Variants in BCAS3 observed in about 807,000 individuals in gnomAD.
BCAS3 encodes BCAS3 microtubule associated cell migration factor.
Under a neutral mutation model 116.1 loss-of-function variants are expected in BCAS3, and 53 were observed. That is an observed-to-expected ratio of 0.46 (90% CI 0.37 to 0.57). The LOEUF (loss-of-function observed/expected upper bound fraction) is 0.57, where lower values mean the gene tolerates loss of function less well. Ranked by LOEUF, BCAS3 falls within the 20% of genes least tolerant of loss-of-function variation. The pLI, the probability that BCAS3 is intolerant of heterozygous loss-of-function variation, is 0.00. For synonymous variants in BCAS3, 391 were observed against 408.2 expected (o/e 0.96, Z 0.51); for missense variants, 917 against 1,165.4 (o/e 0.79, Z 3.10).
At chr17:61,317,442 T>C (rs1269845776) in intron 22 of BCAS3, among the ~76,000 whole-genome samples, 3 of 152,200 alleles carry the variant, frequency 2.0e-5, no homozygotes, top group Admixed American at 6.5e-5. Context: ...ACACCTGCTT[T>C]GTAGGGCTGG....
At chr17:60,849,240 A>G (rs2052827715) in intron 7 of BCAS3, among the ~76,000 whole-genome samples, 2 of 152,062 alleles carry the variant, frequency 1.3e-5, no homozygotes, top group African/African-American at 4.8e-5. Context: ...ATTTTTTTGA[A>G]ATAACATGTA....
At chr17:60,984,182 TTGTTCA>T (rs1253548729) in intron 14 of BCAS3, among the ~76,000 whole-genome samples, 2 of 152,228 alleles carry the variant, frequency 1.3e-5, no homozygotes, top group African/African-American at 4.8e-5. Flanking sequence ...AATTTTGAGT[TTGTTCA>T]TGTACTGATG....
At chr17:60,820,310 G>T (rs1448578237) in intron 7 of BCAS3, among the ~76,000 whole-genome samples, 1 of 152,168 alleles carries the variant, frequency 6.6e-6, no homozygotes, top group Non-Finnish European at 1.5e-5. Flanking sequence ...CTCCCAAAGT[G>T]CTGGGATTAC....
chr17:60,777,465 A>G (rs901897306), intron 6 of BCAS3, among the ~76,000 whole-genome samples: 1 of 151,744 alleles, frequency 6.6e-6, no homozygotes, highest in Non-Finnish European at 1.5e-5. Flanking sequence ...CCTCTACTAA[A>G]ATTACAAAAA....
chr17:60,874,197 A>G (rs553023755), intron 8 of BCAS3, among the ~76,000 whole-genome samples: 2 of 151,620 alleles, frequency 1.3e-5, no homozygotes, highest in African/African-American at 4.8e-5. Context: ...CTCCTGAGTA[A>G]CTAGGACTAC....
At chr17:61,176,622 A>G (rs1030098262) in intron 22 of BCAS3, among the ~76,000 whole-genome samples, 1 of 151,888 alleles carries the variant, frequency 6.6e-6, no homozygotes, top group Non-Finnish European at 1.5e-5. Flanking sequence ...CACTGGTGCT[A>G]TCATGGTTCA....
At chr17:60,758,381 T>C (rs1389394425) in intron 6 of BCAS3, among the ~76,000 whole-genome samples, 1 of 152,180 alleles carries the variant, frequency 6.6e-6, no homozygotes, top group African/African-American at 2.4e-5. Flanking sequence ...TTTGAGTCTC[T>C]ATTTTATTTA....
At chr17:61,372,252 A>G (rs1284380137) in intron 23 of BCAS3, among the ~76,000 whole-genome samples, 3 of 152,182 alleles carry the variant, frequency 2.0e-5, no homozygotes, top group African/African-American at 7.2e-5. Flanking sequence ...GACAGTGCCT[A>G]GCGCAGTGTC....
chr17:60,763,983 T>C (rs2043820241), intron 6 of BCAS3, among the ~76,000 whole-genome samples: 1 of 152,214 alleles, frequency 6.6e-6, no homozygotes. Context: ...TTTATTTGCA[T>C]AGAGGTGTTT....
At position 60,799,520 on chromosome 17, in the gene BCAS3, G is replaced by GTTTTTTTTTTTTTTTT. The variant is rs200098763; in HGVS notation, c.404-8481_404-8480insTTTTTTTTTTTTTTTT. Among the ~76,000 whole-genome samples, 38 of 117,644 alleles carry GTTTTTTTTTTTTTTTT rather than the reference G, an allele frequency of 3.2e-4. 7 individuals carry two copies. Among genetic ancestry groups the GTTTTTTTTTTTTTTTT allele is most frequent in the African/African-American group, 1.2e-3 (33 of 27,178 alleles). 77.2% of individuals were successfully genotyped at this position (117,644 alleles called of 152,430 possible). A position where few individuals can be genotyped will look rare whatever the true frequency, so the allele number is the denominator to read the frequency against. On this transcript the variant is annotated intron_variant, in intron 6 of 23. Coordinates refer to ENST00000407086, the MANE Select transcript of BCAS3 (RefSeq NM_017679.5). ...AATATGTAAGTTTTTTGAGATTAGT[G>GTTTTTTTTTTTTTTTT]TTTGTTTTTTTTTTTTTTTTTTTTT...
At chr17:61,039,580 G>T (rs562720529) in intron 18 of BCAS3, among the ~76,000 whole-genome samples, 2 of 151,896 alleles carry the variant, frequency 1.3e-5, no homozygotes, top group Admixed American at 1.3e-4. Context: ...TAGCCACCAC[G>T]CCAGCTAATT....
chr17:61,111,350 A>C (rs1420106692), intron 22 of BCAS3, among the ~76,000 whole-genome samples: 1 of 150,222 alleles, frequency 6.7e-6, no homozygotes, highest in East Asian at 2.0e-4. Flanking sequence ...AAAATTTAGA[A>C]GAATGTATAA....
At chr17:61,306,854 T>C (rs2053899043) in intron 22 of BCAS3, among the ~76,000 whole-genome samples, 2 of 152,172 alleles carry the variant, frequency 1.3e-5, no homozygotes, top group South Asian at 4.1e-4. Context: ...AGCCTAGAGG[T>C]ACTATTACCT....
At chr17:60,924,557 G>T in intron 13 of BCAS3, 57 bp downstream of exon 13, 3 of 1,319,170 alleles carry the variant, frequency 2.3e-6, no homozygotes, top group South Asian at 1.3e-5. Context: ...TATATAATGG[G>T]TTTTCCAGCC....
Position 60,946,251 on chromosome 17 carries a change from T to C in BCAS3, c.1088-968T>C, listed in dbSNP as rs112434292. Among the ~76,000 whole-genome samples the C allele has an allele frequency of 4.1e-3, 617 of 152,322 alleles. 4 individuals are homozygous for C. Among genetic ancestry groups the C allele is most frequent in the African/African-American group, 0.014 (589 of 41,578 alleles). On this transcript the variant is annotated intron_variant, in intron 13 of 23. Transcript: ENST00000407086. ...ACATCTTATGCAAATAAGTTAACCT[T>C]GTCCATGTTTTGTATAGGATCCTCA...
chr17:61,269,512 G>A (rs549065657), intron 22 of BCAS3, among the ~76,000 whole-genome samples: 1 of 152,260 alleles, frequency 6.6e-6, no homozygotes, highest in African/African-American at 2.4e-5. Flanking sequence ...TCTCCATGCT[G>A]TTTTCCATAG....
intron 22 of BCAS3, among the ~76,000 whole-genome samples, chr17:61,166,448 A>AATGCAGTG (rs1384892086): frequency 1.6e-5 from 2 of 124,328 alleles, no homozygotes; most frequent in Non-Finnish European, 3.1e-5. Context: ...CCCAGGCTGA[A>AATGCAGTG]ATGCAGTGGT....
Position 61,189,335 on chromosome 17 carries a change from C to G in BCAS3, c.2425+104771C>G, listed in dbSNP as rs892327840. Among the ~76,000 whole-genome samples the G allele has an allele frequency of 6.6e-6, 1 of 152,102 alleles. No homozygotes were observed. The highest frequency in any genetic ancestry group is 1.5e-5 in the Non-Finnish European group (1 of 68,018). On this transcript the variant is annotated intron_variant, in intron 22 of 23. Coordinates refer to ENST00000407086, the MANE Select transcript of BCAS3 (RefSeq NM_017679.5). This position sits in a 1 kb window ranked among gnomAD's most constrained non-coding sequence, Gnocchi z 4.5. The stretch of plus-strand genomic sequence containing the variant: ...GAAGCCATGGTATATTCAAAGAGCT[C>G]ATAAGGAGGTTGACCTTGCCATCAT...
intron 22 of BCAS3, among the ~76,000 whole-genome samples, chr17:61,232,072 G>A (rs1339898804): frequency 1.5e-5 from 2 of 130,572 alleles, no homozygotes; most frequent in East Asian, 2.1e-4. Flanking sequence ...AGGCGTGATG[G>A]TGGGCACCTG....
Sources: allele counts gnomAD v4.1 joint callset (sites outside exome capture counted in the v4.1 genomes callset), GRCh38; gene constraint gnomAD v4.1.1; non-coding constraint Gnocchi (gnomAD v3.1); transcripts MANE v1.5; gene names NCBI Gene and HGNC (gene_info 2026-07-23, HGNC 2026-07-21).